WDFY3: variants seen among roughly 807,000 people sequenced by gnomAD.
WDFY3 encodes the protein WD repeat and FYVE domain containing 3, also known as WD repeat and FYVE domain-containing protein 3.
In WDFY3, 66 loss-of-function variants were observed where a neutral mutation model predicts 409.6. The observed-to-expected ratio is 0.16, with a 90% CI of 0.13 to 0.20. The LOEUF is 0.20. WDFY3 is among the 10% of genes least tolerant of loss of function. The pLI is 1.00. For synonymous variants in WDFY3, 1,521 were observed against 1,537.1 expected, an observed-to-expected ratio of 0.99 and a Z score of 0.25; for missense variants, 3,031 against 4,298.1, an observed-to-expected ratio of 0.71 and a Z score of 8.24.
intron 15 of WDFY3, among the ~76,000 whole-genome samples, chr4:84,807,401 T>C (rs1043942811): frequency 1.3e-5 from 2 of 152,190 alleles, no homozygotes; most frequent in Non-Finnish European, 2.9e-5. Context: ...ATACCTAATA[T>C]TACTATGCAA....
intron 35 of WDFY3, 72 bp from the exon 36 acceptor site, chr4:84,751,788 A>C: frequency 1.3e-6 from 2 of 1,529,546 alleles, no homozygotes; most frequent in South Asian, 2.2e-5. Flanking sequence ...GTTTCCTAAA[A>C]ATAAAACTGG....
chr4:84,823,916 C>T (rs1228117715), intron 10 of WDFY3, among the ~76,000 whole-genome samples: 1 of 152,090 alleles, frequency 6.6e-6, no homozygotes, highest in Non-Finnish European at 1.5e-5. Flanking sequence ...ACTTTAACTA[C>T]TCTGTATTTA....
intron 4 of WDFY3, among the ~76,000 whole-genome samples, chr4:84,853,120 C>T (rs1248065352): frequency 6.6e-6 from 1 of 152,084 alleles, no homozygotes; most frequent in Non-Finnish European, 1.5e-5. Flanking sequence ...AATAATGACA[C>T]ATCTTTGAAT....
At chr4:84,752,496 C>T (rs1740706763) in intron 35 of WDFY3, among the ~76,000 whole-genome samples, 1 of 149,894 alleles carries the variant, frequency 6.7e-6, no homozygotes, top group Non-Finnish European at 1.5e-5. Flanking sequence ...CACCATTGCA[C>T]TCCAGCCGGG....
chr4:84,912,184 G>T (rs942327330), intron 2 of WDFY3, among the ~76,000 whole-genome samples: 1 of 152,166 alleles, frequency 6.6e-6, no homozygotes, highest in Non-Finnish European at 1.5e-5. Context: ...AGTGATGCTG[G>T]CTGTGTTCCC....
chr4:84,948,672 T>C (rs1773214852), intron 1 of WDFY3, among the ~76,000 whole-genome samples: 2 of 152,310 alleles, frequency 1.3e-5, no homozygotes, highest in East Asian at 1.9e-4. Flanking sequence ...CCTACCCTGT[T>C]CTACTCCTTC....
At chr4:84,912,911 C>T (rs907151676) in intron 2 of WDFY3, among the ~76,000 whole-genome samples, 3 of 152,116 alleles carry the variant, frequency 2.0e-5, no homozygotes, top group African/African-American at 4.8e-5. Context: ...AACCCTGAGT[C>T]TTGAAGGGAA....
chr4:84,936,751 A>T (rs1163248142), intron 1 of WDFY3, among the ~76,000 whole-genome samples: 1 of 152,060 alleles, frequency 6.6e-6, no homozygotes, highest in Non-Finnish European at 1.5e-5. Flanking sequence ...AGAAAAAAAA[A>T]ATTCAAAAGC....
In WDFY3 at chr4:84,741,787, C is replaced by A. The variant is rs556847730; in HGVS notation, c.6208G>T (p.Asp2070Tyr). The change falls in exon 38 of 68, where the codon GAT (aspartate) becomes TAT (tyrosine). Residue 2070 changes from aspartate (D) to tyrosine (Y), a missense_variant. Coordinates refer to ENST00000295888, the MANE Select transcript of WDFY3 (RefSeq NM_014991.6). ...MFNKESKLLI[D>Y]FIIQLIAQSK... ...TGTGCAATTAGTTGAATTATAAAAT[C>A]TATAAGAAGTTTAGATTCTTTGTTG... 136 of 1,611,688 alleles carry A rather than the reference C, an allele frequency of 8.4e-5. 3 individuals carry two copies. In the South Asian group the frequency reaches 1.4e-3, roughly 17 times the overall value.
At chr4:84,924,367 G>A (rs1403554859) in intron 2 of WDFY3, among the ~76,000 whole-genome samples, 1 of 152,090 alleles carries the variant, frequency 6.6e-6, no homozygotes, top group Non-Finnish European at 1.5e-5. Context: ...TTCTGTGTAG[G>A]ACTTTATTCT....
chr4:84,728,982 G>C (rs559182564), intron 44 of WDFY3, among the ~76,000 whole-genome samples: 2 of 152,044 alleles, frequency 1.3e-5, no homozygotes, highest in East Asian at 3.9e-4. Flanking sequence ...GAGCTGCTTA[G>C]TTTCTGTGAG....
At chr4:84,803,079 T>C (rs372203673) in intron 16 of WDFY3, among the ~76,000 whole-genome samples, 4 of 152,336 alleles carry the variant, frequency 2.6e-5, no homozygotes, top group African/African-American at 9.6e-5. Flanking sequence ...TTGGTTGTCT[T>C]TGTAATGAAT....
chr4:84,688,523 G>C (rs189800597), intron 61 of WDFY3, among the ~76,000 whole-genome samples: 1 of 152,118 alleles, frequency 6.6e-6, no homozygotes, highest in Non-Finnish European at 1.5e-5. Flanking sequence ...TTCTTTCCTG[G>C]AGTTGGGCCA....
intron 30 of WDFY3, among the ~76,000 whole-genome samples, chr4:84,767,449 A>G (rs1325119105): frequency 6.6e-6 from 1 of 152,170 alleles, no homozygotes; most frequent in East Asian, 1.9e-4. Flanking sequence ...AGACTCATGT[A>G]TCTCTCACTT....
chr4:84,762,797 G>A (rs2149370615), intron 32 of WDFY3, among the ~76,000 whole-genome samples: 1 of 152,064 alleles, frequency 6.6e-6, no homozygotes, highest in Non-Finnish European at 1.5e-5. Context: ...TTTCTTTATA[G>A]AAATTCTAAA....
intron 34 of WDFY3, among the ~76,000 whole-genome samples, 159 bp from the exon 35 acceptor site, chr4:84,754,035 C>T (rs1479050151): frequency 6.6e-6 from 1 of 152,132 alleles, no homozygotes; most frequent in African/African-American, 2.4e-5. Context: ...TGTATACACA[C>T]ATGCAAAGAA....
intron 46 of WDFY3, 110 bp downstream of exon 46, chr4:84,724,316 A>G: frequency 4.0e-6 from 5 of 1,251,126 alleles, no homozygotes; most frequent in Non-Finnish European, 4.4e-6. Flanking sequence ...ATGTGTATGG[A>G]TATTTTTAAA....
chr4:84,727,228 T>TAC (rs1560608345), intron 44 of WDFY3, among the ~76,000 whole-genome samples: 1 of 151,868 alleles, frequency 6.6e-6, no homozygotes. Flanking sequence ...GGCAACTCTT[T>TAC]ACATTGTTTA....
At chr4:84,817,718 T>C (rs367579118) in intron 12 of WDFY3, 133 bp from the exon 13 acceptor site, 2 of 837,898 alleles carry the variant, frequency 2.4e-6, no homozygotes, top group South Asian at 3.9e-5. Flanking sequence ...ACCCAACTAT[T>C]TCACCTTTTA....
Sources: allele counts gnomAD v4.1 joint callset (sites outside exome capture counted in the v4.1 genomes callset), GRCh38; gene constraint gnomAD v4.1.1; transcripts MANE v1.5; gene names NCBI Gene and HGNC (gene_info 2026-07-23, HGNC 2026-07-21).